Variants in GRM8 observed in about 807,000 individuals in gnomAD.
The protein encoded by GRM8 is glutamate metabotropic receptor 8.
GRM8 carries 47 observed loss-of-function variants against 87.2 expected under a neutral mutation model. The observed-to-expected ratio is 0.54, with a 90% CI of 0.43 to 0.69. The LOEUF is 0.69. Among genes scored for constraint, GRM8 ranks in the 30% least tolerant of loss-of-function variants. The probability of loss-of-function intolerance (pLI) is 0.00; values close to 1 mark genes in which losing one functional copy is unlikely to be tolerated. For missense variants in GRM8, 1,019 were observed against 1,139.2 expected (o/e 0.89, Z 1.52); for synonymous variants, 396 against 404.5 (o/e 0.98, Z 0.25).
At chr7:126,632,682 C>T (rs914497045) in intron 7 of GRM8, among the ~76,000 whole-genome samples, 1 of 152,106 alleles carries the variant, frequency 6.6e-6, no homozygotes, top group Non-Finnish European at 1.5e-5. Flanking sequence ...TACATATACA[C>T]CATGGAATAC....
chr7:127,223,313 A>C (rs894264483), intron 2 of GRM8, among the ~76,000 whole-genome samples: 2 of 151,930 alleles, frequency 1.3e-5, no homozygotes, highest in Admixed American at 6.6e-5. Context: ...AAAAACAAAT[A>C]AGCAAAAAAA....
intron 3 of GRM8, among the ~76,000 whole-genome samples, chr7:126,971,771 C>A (rs971411154): frequency 6.6e-6 from 1 of 152,048 alleles, no homozygotes; most frequent in East Asian, 1.9e-4. Flanking sequence ...GCAACAGGAG[C>A]ACAGGCAGCA....
intron 1 of GRM8, among the ~76,000 whole-genome samples, chr7:127,251,622 C>A (rs1798872908): frequency 6.6e-6 from 1 of 151,708 alleles, no homozygotes; most frequent in Non-Finnish European, 1.5e-5. Flanking sequence ...GCTGCTTTTG[C>A]CTTTCCCGCG....
At chr7:126,548,894 T>A (rs1455642629) in intron 8 of GRM8, among the ~76,000 whole-genome samples, 5 of 152,134 alleles carry the variant, frequency 3.3e-5, no homozygotes, top group African/African-American at 4.8e-5. Flanking sequence ...ATCATAAGTA[T>A]AAATAAATTT....
At chr7:126,470,231 G>A (rs899404031) in intron 9 of GRM8, among the ~76,000 whole-genome samples, 2 of 151,592 alleles carry the variant, frequency 1.3e-5, no homozygotes, top group Admixed American at 1.3e-4. Flanking sequence ...GGGTACATGT[G>A]CACAATGTGC....
At chr7:127,063,431 C>A (rs953792677) in intron 3 of GRM8, among the ~76,000 whole-genome samples, 3 of 151,982 alleles carry the variant, frequency 2.0e-5, no homozygotes, top group Non-Finnish European at 4.4e-5. Flanking sequence ...CAAAAATTAG[C>A]CACTTGTGGT....
intron 6 of GRM8, among the ~76,000 whole-genome samples, chr7:126,805,299 A>G (rs979832859): frequency 2.0e-5 from 3 of 152,186 alleles, no homozygotes; most frequent in Non-Finnish European, 4.4e-5. Context: ...GCCTACCTTC[A>G]GCTTCCCCAT....
At chr7:127,089,132 C>T (rs1823806825) in intron 3 of GRM8, among the ~76,000 whole-genome samples, 1 of 152,136 alleles carries the variant, frequency 6.6e-6, no homozygotes, top group African/African-American at 2.4e-5. Flanking sequence ...ATAGAGTGAG[C>T]CCTAAATCCA....
At chr7:126,584,282 G>A (rs2151020619) in intron 8 of GRM8, among the ~76,000 whole-genome samples, 1 of 148,326 alleles carries the variant, frequency 6.7e-6, no homozygotes, top group South Asian at 2.2e-4. Flanking sequence ...CTGGAGTGCA[G>A]TGGTGCAATC....
chr7:127,084,740 T>A (rs1823284091), intron 3 of GRM8: 1 of 152,178 alleles, frequency 6.6e-6, no homozygotes, highest in Admixed American at 6.5e-5. Context: ...CATCACTAAC[T>A]TACCCACTCA....
chr7:126,825,211 T>C (rs10258445), intron 6 of GRM8, among the ~76,000 whole-genome samples: 94,505 of 151,726 alleles, frequency 0.62, 29,766 homozygotes, highest in Non-Finnish European at 0.66. Context: ...GGACTAAAAA[T>C]GCACACCACC....
chr7:127,128,092 T>C (rs1246125752), intron 2 of GRM8, among the ~76,000 whole-genome samples: 1 of 152,112 alleles, frequency 6.6e-6, no homozygotes, highest in Non-Finnish European at 1.5e-5. Flanking sequence ...TCCATTCTAT[T>C]TGCATTTCTC....
chr7:126,863,372 T>C (rs1798303854), intron 6 of GRM8, among the ~76,000 whole-genome samples: 1 of 152,180 alleles, frequency 6.6e-6, no homozygotes, highest in African/African-American at 2.4e-5. Context: ...ATTTTTCAAG[T>C]ATTTACCATG....
chr7:127,245,064 T>C (rs945279769), intron 1 of GRM8, among the ~76,000 whole-genome samples: 1 of 152,174 alleles, frequency 6.6e-6, no homozygotes, highest in South Asian at 2.1e-4. Flanking sequence ...TGCTTTTCCC[T>C]CAGAAAATCT....
At chr7:126,660,377 TAATA>T (rs1488662000) in intron 7 of GRM8, among the ~76,000 whole-genome samples, 3 of 152,198 alleles carry the variant, frequency 2.0e-5, no homozygotes, top group African/African-American at 7.2e-5. Context: ...ATCTGGCACA[TAATA>T]AATAATAAAT....
At chr7:126,605,800 AT>A (rs1361114780) in intron 8 of GRM8, among the ~76,000 whole-genome samples, 1 of 152,164 alleles carries the variant, frequency 6.6e-6, no homozygotes, top group African/African-American at 2.4e-5. Flanking sequence ...CACAGTGACA[AT>A]TCCCACCAGA....
At chr7:126,947,377 T>G (rs938138013) in intron 3 of GRM8, among the ~76,000 whole-genome samples, 9 of 152,158 alleles carry the variant, frequency 5.9e-5, no homozygotes, top group Non-Finnish European at 8.8e-5. Context: ...ATTCAACATA[T>G]TGTTTTAGTT....
chr7:126,734,720 G>A (rs1334998543), intron 7 of GRM8, among the ~76,000 whole-genome samples: 1 of 151,872 alleles, frequency 6.6e-6, no homozygotes, highest in African/African-American at 2.4e-5. Flanking sequence ...TAAAAGTCCT[G>A]AAAGCTTACT....
chr7:127,221,399 C>T (rs1273044020), intron 2 of GRM8, among the ~76,000 whole-genome samples: 1 of 152,156 alleles, frequency 6.6e-6, no homozygotes. Flanking sequence ...CCTCACACCT[C>T]TAATCTTCTC....
Sources: gnomAD v4.1 joint callset for allele counts (sites outside exome capture counted in the v4.1 genomes callset) on GRCh38, gnomAD v4.1.1 for gene constraint, MANE v1.5 for transcripts, NCBI Gene and HGNC (gene_info 2026-07-23, HGNC 2026-07-21) for gene names.